The following AFF3 variants were observed in gnomAD, a reference collection of about 807,000 sequenced individuals.
AFF3 encodes AF4/FMR2 family member 3.
A neutral mutation model predicts 129.7 loss-of-function variants in AFF3; 32 were observed. That is an observed-to-expected ratio of 0.25 (90% CI 0.19 to 0.33). AFF3 has a LOEUF of 0.33. AFF3 is among the 10% of genes least tolerant of loss of function. The pLI is 1.00. For missense variants in AFF3, 1,373 were observed against 1,592.0 expected (o/e 0.86, Z 2.34); for synonymous variants, 644 against 635.4 (o/e 1.01, Z -0.20).
chr2:99,850,959 A>C lies in AFF3; in HGVS notation c.874-13435T>G, dbSNP rs181310821. On this transcript the variant is annotated intron_variant, in intron 7 of 24. Coordinates refer to ENST00000672756, the MANE Select transcript of AFF3 (RefSeq NM_001386135.1). ...AATCTATTACAACCCTGTTTATGTT[A>C]TTTAACTTCAAGCATTCAGTTCTGT... is the stretch of plus-strand genomic sequence containing the variant. Among the ~76,000 whole-genome samples, 203 of 152,334 alleles carry C rather than the reference A, an allele frequency of 1.3e-3. 2 individuals carry two copies. The highest frequency in any genetic ancestry group is 4.7e-3 in the African/African-American group (196 of 41,586).
intron 15 of AFF3, among the ~76,000 whole-genome samples, chr2:99,588,876 T>C (rs535442297): frequency 6.6e-6 from 1 of 152,206 alleles, no homozygotes; most frequent in South Asian, 2.1e-4. Context: ...ACTATAAGAA[T>C]GTTCTTTCAC....
At chr2:99,776,970 T>C (rs1213156172) in intron 8 of AFF3, among the ~76,000 whole-genome samples, 1 of 152,188 alleles carries the variant, frequency 6.6e-6, no homozygotes, top group African/African-American at 2.4e-5. Context: ...ATTGGAAGCA[T>C]GGACCCTGCT....
chr2:99,998,316 AAGGGCACCCCAGG>A (rs1180491928), intron 7 of AFF3, among the ~76,000 whole-genome samples: 3 of 152,296 alleles, frequency 2.0e-5, no homozygotes, highest in Admixed American at 1.3e-4. Flanking sequence ...CAAAGATGAA[AAGGGCACCCCAGG>A]AGGGCACCAT....
At chr2:99,853,691 G>C in intron 7 of AFF3, among the ~76,000 whole-genome samples, 1 of 152,174 alleles carries the variant, frequency 6.6e-6, no homozygotes, top group Admixed American at 6.5e-5. Context: ...ACATGCGGCA[G>C]AGCCAGAGTC....
intron 1 of AFF3, 57 bp downstream of exon 1, chr2:100,142,427 C>A (rs906284904): frequency 6.6e-6 from 1 of 152,344 alleles, no homozygotes; most frequent in Admixed American, 6.5e-5. Flanking sequence ...GTCGGGGCTA[C>A]CTCTCTTCCA....
chr2:99,745,026 C>A (rs1398479969), intron 9 of AFF3, among the ~76,000 whole-genome samples: 1 of 152,186 alleles, frequency 6.6e-6, no homozygotes, highest in Non-Finnish European at 1.5e-5. Context: ...TTTATCTACA[C>A]CCTTGTCAAT....
chr2:100,132,075 C>T (rs1043353176), intron 1 of AFF3, among the ~76,000 whole-genome samples: 1 of 152,176 alleles, frequency 6.6e-6, no homozygotes, highest in Non-Finnish European at 1.5e-5. Context: ...ATTGGTTCCC[C>T]ATCTAAACCC....
At chr2:99,574,527 T>C (rs1676808801) in intron 18 of AFF3, among the ~76,000 whole-genome samples, 2 of 152,248 alleles carry the variant, frequency 1.3e-5, no homozygotes, top group South Asian at 4.1e-4. Context: ...TGTAGATTCC[T>C]TATAGTCATA....
intron 7 of AFF3, among the ~76,000 whole-genome samples, chr2:99,904,756 G>A (rs1442062813): frequency 1.3e-5 from 2 of 152,132 alleles, no homozygotes; most frequent in Non-Finnish European, 2.9e-5. Flanking sequence ...GAGAGGGGAA[G>A]ATAATCCCGA....
chr2:99,737,865 GA>G (rs1295842021), intron 10 of AFF3, among the ~76,000 whole-genome samples: 1 of 151,356 alleles, frequency 6.6e-6, no homozygotes, highest in Non-Finnish European at 1.5e-5. Context: ...CTGCATTCTA[GA>G]TAATTTCTTA....
At chr2:99,842,705 A>C (rs1689406019) in intron 7 of AFF3, among the ~76,000 whole-genome samples, 1 of 152,196 alleles carries the variant, frequency 6.6e-6, no homozygotes, top group African/African-American at 2.4e-5. Flanking sequence ...CACTGCCAAG[A>C]AATGTACAGA....
At chr2:99,649,439 TACA>T (rs759414419) in intron 13 of AFF3, among the ~76,000 whole-genome samples, 184 bp downstream of exon 13, 141 of 152,300 alleles carry the variant, frequency 9.3e-4, no homozygotes, top group Non-Finnish European at 1.6e-3. Context: ...TGCTATGAAA[TACA>T]ACAAGGCGAT....
intron 4 of AFF3, among the ~76,000 whole-genome samples, chr2:100,041,365 A>G (rs1559080618): frequency 6.6e-6 from 1 of 152,260 alleles, no homozygotes; most frequent in Non-Finnish European, 1.5e-5. Context: ...AGGAAAAGAA[A>G]TATCATGATT....
chr2:100,022,638 C>T (rs957002100), intron 4 of AFF3, among the ~76,000 whole-genome samples: 1 of 152,134 alleles, frequency 6.6e-6, no homozygotes, highest in Non-Finnish European at 1.5e-5. Flanking sequence ...TCTTGAACTC[C>T]TGACCACAAG....
chr2:99,671,740 A>C (rs1687162789), intron 12 of AFF3, among the ~76,000 whole-genome samples: 1 of 152,216 alleles, frequency 6.6e-6, no homozygotes, highest in South Asian at 2.1e-4. Context: ...ACATGTATCT[A>C]AACTTGACAA....
chr2:99,559,067 A>C, intron 21 of AFF3, 99 bp from the exon 22 acceptor site: 1 of 1,004,072 alleles, frequency 1.0e-6, no homozygotes, highest in Admixed American at 2.0e-5. Flanking sequence ...ACTCAATAAC[A>C]ATACCTTGTT....
At chr2:99,697,258 G>A (rs148117312) in intron 11 of AFF3, among the ~76,000 whole-genome samples, 2 of 152,336 alleles carry the variant, frequency 1.3e-5, no homozygotes, top group Non-Finnish European at 2.9e-5. Flanking sequence ...GAGTCCTGCC[G>A]CCCATTCAGC....
chr2:99,814,256 A>C (rs897316809), intron 8 of AFF3, among the ~76,000 whole-genome samples: 1 of 150,992 alleles, frequency 6.6e-6, no homozygotes, highest in Non-Finnish European at 1.5e-5. Context: ...CACCACCACC[A>C]CCCTCAAAGG....
intron 7 of AFF3, among the ~76,000 whole-genome samples, chr2:99,841,214 C>T (rs1689295268): frequency 6.6e-6 from 1 of 152,116 alleles, no homozygotes. Flanking sequence ...TAACTATCTC[C>T]CTTATAATCC....
Sources: allele counts gnomAD v4.1 joint callset (sites outside exome capture counted in the v4.1 genomes callset), GRCh38; gene constraint gnomAD v4.1.1; transcripts MANE v1.5; gene names NCBI Gene and HGNC (gene_info 2026-07-23, HGNC 2026-07-21).